NAV2: variants seen among roughly 807,000 people sequenced by gnomAD.
NAV2 encodes neuron navigator 2, also known as helicase, APC down-regulated 1.
Under a neutral mutation model 223.2 loss-of-function variants are expected in NAV2, and 54 were observed. That is an observed-to-expected ratio of 0.24 (90% CI 0.19 to 0.30). The LOEUF (loss-of-function observed/expected upper bound fraction) is 0.30, where lower values mean the gene tolerates loss of function less well. NAV2 is among the 10% of genes least tolerant of loss of function. The pLI is 1.00. For synonymous variants in NAV2, 1,279 were observed against 1,239.3 expected (o/e 1.03, Z -0.67); for missense variants, 2,806 against 3,147.5 (o/e 0.89, Z 2.60).
At chr11:19,381,998 G>T (rs1848854997) in intron 1 of NAV2, among the ~76,000 whole-genome samples, 1 of 152,186 alleles carries the variant, frequency 6.6e-6, no homozygotes, top group Non-Finnish European at 1.5e-5. Context: ...GAGCTAGTCT[G>T]CAGGCTGCTC....
intron 11 of NAV2, among the ~76,000 whole-genome samples, chr11:20,031,051 T>C (rs907815857): frequency 6.6e-6 from 1 of 152,186 alleles, no homozygotes; most frequent in Non-Finnish European, 1.5e-5. Context: ...TCATCTCAGG[T>C]GGGCTCAGCG....
chr11:19,645,011 G>A (rs1204184085), intron 1 of NAV2, among the ~76,000 whole-genome samples: 1 of 152,190 alleles, frequency 6.6e-6, no homozygotes, highest in African/African-American at 2.4e-5. Context: ...TCTTTTTGCT[G>A]CTATAACAAA....
chr11:19,577,068 A>G (rs1448988344), intron 1 of NAV2, among the ~76,000 whole-genome samples: 1 of 152,220 alleles, frequency 6.6e-6, no homozygotes, highest in Non-Finnish European at 1.5e-5. Flanking sequence ...GAAAGCCCTC[A>G]ATCCATGTTT....
intron 1 of NAV2, among the ~76,000 whole-genome samples, chr11:19,554,511 G>A (rs2044801716): frequency 6.6e-6 from 1 of 152,182 alleles, no homozygotes; most frequent in Non-Finnish European, 1.5e-5. Context: ...AAAGCTAGTA[G>A]AGGCGCCTCA....
intron 1 of NAV2, among the ~76,000 whole-genome samples, chr11:19,568,776 C>T (rs569023358): frequency 6.6e-6 from 1 of 152,312 alleles, no homozygotes; most frequent in South Asian, 2.1e-4. Context: ...GCTAACGTCA[C>T]CTCCCCATTC....
chr11:19,673,205 T>G (rs974744326), intron 1 of NAV2, among the ~76,000 whole-genome samples: 1 of 152,222 alleles, frequency 6.6e-6, no homozygotes, highest in Non-Finnish European at 1.5e-5. Context: ...CTTATTACTA[T>G]CTCCATTTAT....
chr11:19,517,411 T>A (rs1441731389), intron 1 of NAV2, among the ~76,000 whole-genome samples: 2 of 152,236 alleles, frequency 1.3e-5, no homozygotes, highest in East Asian at 3.8e-4. Context: ...ATGAGAATAA[T>A]GACACCTCCT....
chr11:19,873,271 T>TGG (rs1465871346), intron 4 of NAV2, among the ~76,000 whole-genome samples: 5 of 152,134 alleles, frequency 3.3e-5, no homozygotes, highest in Non-Finnish European at 7.3e-5. Context: ...CAGAGCTGTG[T>TGG]TAGTGGTAAG....
chr11:20,022,737 C>T, intron 11 of NAV2: 1 of 1,073,886 alleles, frequency 9.3e-7, no homozygotes, highest in Admixed American at 5.2e-5. Context: ...TTCAATTTGA[C>T]CCGCTGTTGC....
In NAV2 at chr11:19,713,323, A is replaced by G. The variant is rs375470600; in HGVS notation, c.-373A>G. The G allele has an allele frequency of 1.0e-5, 11 of 1,068,626 alleles. No individual in the cohort carries two copies. The Admixed American group carries it at 1.6e-4, about 16-fold the overall frequency. 66.2% of individuals were successfully genotyped at this position (1,068,626 alleles called of 1,614,324 possible). On this transcript the variant is annotated 5_prime_UTR_variant, in exon 1 of 38. It removes an upstream start codon present in the reference 5' UTR. Coordinates refer to ENST00000349880, the MANE Select transcript of NAV2 (RefSeq NM_145117.5). This position sits in a 1 kb window ranked among gnomAD's most constrained non-coding sequence, Gnocchi z 7.2. ...CCAAAGGGGCCTCCTCACTTCGGAG[A>G]TGCAGTGACAAGTTAATATGGGCGT...
chr11:20,049,732 A>C, intron 15 of NAV2, 104 bp from the exon 16 acceptor site: 1 of 1,087,550 alleles, frequency 9.2e-7, no homozygotes, highest in South Asian at 1.3e-5. Flanking sequence ...TAGGGAAGAA[A>C]GCGAGGATCA....
At chr11:20,117,869 G>A (rs1457804098) in intron 37 of NAV2, among the ~76,000 whole-genome samples, 1 of 152,184 alleles carries the variant, frequency 6.6e-6, no homozygotes, top group Non-Finnish European at 1.5e-5. Flanking sequence ...TTATAGGGCA[G>A]GTACTATTAT....
At chr11:20,021,760 G>C (rs1235498655) in intron 11 of NAV2, among the ~76,000 whole-genome samples, 2 of 152,162 alleles carry the variant, frequency 1.3e-5, no homozygotes, top group African/African-American at 4.8e-5. Flanking sequence ...GGCCCTGAAG[G>C]ATGAGATGTG....
chr11:19,355,625 T>A (rs1853574344), intron 1 of NAV2, among the ~76,000 whole-genome samples: 1 of 152,194 alleles, frequency 6.6e-6, no homozygotes, highest in African/African-American at 2.4e-5. Context: ...GAATTTCTAG[T>A]CTCACTGCTA....
chr11:19,469,039 G>A (rs909523711), intron 1 of NAV2, among the ~76,000 whole-genome samples: 9 of 152,256 alleles, frequency 5.9e-5, no homozygotes, highest in Middle Eastern at 6.8e-3. Context: ...GAGATAATTC[G>A]TGGAATGCAC....
intron 1 of NAV2, among the ~76,000 whole-genome samples, chr11:19,829,503 T>G (rs1164007626): frequency 6.6e-6 from 1 of 152,222 alleles, no homozygotes; most frequent in Non-Finnish European, 1.5e-5. Flanking sequence ...TAATAAAATT[T>G]TTTATTACTA....
At chr11:19,708,155 A>G (rs115144893), upstream of NAV2, among the ~76,000 whole-genome samples, 23 of 152,290 alleles carry the variant, frequency 1.5e-4, no homozygotes, top group African/African-American at 5.5e-4. Context: ...TGAGTCACTG[A>G]TAGGGTGAGT....
intron 1 of NAV2, among the ~76,000 whole-genome samples, chr11:19,764,706 G>T (rs926159407): frequency 6.6e-6 from 1 of 151,834 alleles, no homozygotes; most frequent in Non-Finnish European, 1.5e-5. Flanking sequence ...TTATATGTGC[G>T]TGCATCTTGC....
chr11:19,842,989 AC>A, intron 3 of NAV2, 66 bp downstream of exon 3: 1 of 1,358,200 alleles, frequency 7.4e-7, no homozygotes, highest in Non-Finnish European at 1.1e-6. Context: ...AGTGATATTG[AC>A]CATCTTGAAA....
Sources: allele counts gnomAD v4.1 joint callset (sites outside exome capture counted in the v4.1 genomes callset), GRCh38; gene constraint gnomAD v4.1.1; non-coding constraint Gnocchi (gnomAD v3.1); transcripts MANE v1.5; gene names NCBI Gene and HGNC (gene_info 2026-07-23, HGNC 2026-07-21).